Variants in SGK3 observed in about 807,000 individuals in gnomAD.
SGK3 encodes serum/glucocorticoid regulated kinase family member 3.
Under a neutral mutation model 68.5 loss-of-function variants are expected in SGK3, and 47 were observed. The ratio of observed to expected loss-of-function variants is 0.69; its 90% CI spans 0.54 to 0.87. The LOEUF (loss-of-function observed/expected upper bound fraction) is 0.87, where lower values mean the gene tolerates loss of function less well. SGK3 is among the 40% of genes least tolerant of loss of function. The pLI, the probability that SGK3 is intolerant of heterozygous loss-of-function variation, is 0.00. For synonymous variants in SGK3, 181 were observed against 189.1 expected (o/e 0.96, Z 0.35); for missense variants, 479 against 575.5 (o/e 0.83, Z 1.72).
chr8:66,784,816 T>C (rs1297839485), intron 1 of SGK3, among the ~76,000 whole-genome samples: 2 of 152,186 alleles, frequency 1.3e-5, no homozygotes, highest in African/African-American at 4.8e-5. Flanking sequence ...TATTGCTATT[T>C]TTTTACAGAC....
chr8:66,858,554 T>C (rs906906604), intron 16 of SGK3, among the ~76,000 whole-genome samples: 1 of 151,598 alleles, frequency 6.6e-6, no homozygotes, highest in African/African-American at 2.4e-5. Context: ...CAGTGATGGG[T>C]AGAGAGAAAG....
intron 10 of SGK3, among the ~76,000 whole-genome samples, chr8:66,837,283 A>G (rs1325622046): frequency 1.3e-5 from 2 of 152,174 alleles, no homozygotes; most frequent in African/African-American, 4.8e-5. Context: ...ACTAATAGGT[A>G]TTGTCATATC....
At chr8:66,847,463 C>T (rs1321510196) in intron 15 of SGK3, 115 bp downstream of exon 15, 40 of 1,441,846 alleles carry the variant, frequency 2.8e-5, no homozygotes, top group Non-Finnish European at 3.5e-5. Flanking sequence ...AGAATAGCAA[C>T]ATGGAAAAAA....
intron 1 of SGK3, among the ~76,000 whole-genome samples, chr8:66,761,869 T>C (rs1357373023): frequency 1.3e-5 from 2 of 152,212 alleles, no homozygotes; most frequent in Admixed American, 1.3e-4. Flanking sequence ...ATAATTAGCC[T>C]TCATAAGCCT....
chr8:66,850,702 A>G (rs1810246124), intron 15 of SGK3, 129 bp from the exon 16 acceptor site: 2 of 811,526 alleles, frequency 2.5e-6, no homozygotes, highest in Non-Finnish European at 1.9e-6. Context: ...CCACACAAAT[A>G]ACATACACAT....
intron 10 of SGK3, among the ~76,000 whole-genome samples, chr8:66,839,531 A>ATG (rs1563654560): frequency 1.4e-5 from 1 of 69,208 alleles, no homozygotes; most frequent in African/African-American, 5.6e-5. Context: ...ATATATATAT[A>ATG]TATATATATA....
chr8:66,827,441 C>T lies in SGK3; in HGVS notation c.418-1213C>T, dbSNP rs1475304681. ...TTCTGATTAGAGAAGTTTTTAAAAG[C>T]TTTTTTATATTTATAGCTTATATGA... On this transcript the variant is annotated intron_variant, in intron 6 of 16. Coordinates refer to ENST00000521198, the MANE Select transcript of SGK3 (RefSeq NM_001033578.3). Among the ~76,000 whole-genome samples, 5 of 143,274 alleles carry T rather than the reference C, an allele frequency of 3.5e-5. No homozygotes were observed. In the East Asian group the frequency reaches 1.0e-3, roughly 29 times the overall value. 94.0% of individuals were successfully genotyped at this position (143,274 alleles called of 152,430 possible). A position where few individuals can be genotyped will look rare whatever the true frequency, so the allele number is the denominator to read the frequency against.
At chr8:66,817,444 A>C (rs969775188) in intron 5 of SGK3, among the ~76,000 whole-genome samples, 2 of 151,548 alleles carry the variant, frequency 1.3e-5, no homozygotes, top group Non-Finnish European at 2.9e-5. Context: ...AAAAAACAAA[A>C]AAACAAACGG....
chr8:66,824,853 GAT>G (rs1808988178), intron 6 of SGK3, among the ~76,000 whole-genome samples: 1 of 152,100 alleles, frequency 6.6e-6, no homozygotes, highest in African/African-American at 2.4e-5. Context: ...TTTTTAAAAA[GAT>G]ATGCAAATAC....
At chr8:66,727,976 C>T (rs936737507) in intron 1 of SGK3, among the ~76,000 whole-genome samples, 6 of 152,212 alleles carry the variant, frequency 3.9e-5, no homozygotes, top group Non-Finnish European at 7.3e-5. Flanking sequence ...ACACTTAACA[C>T]TTAAAAATAA....
chr8:66,797,982 C>T lies in SGK3; in HGVS notation c.97-560C>T, dbSNP rs566873057. On this transcript the variant is annotated intron_variant, in intron 2 of 16. Coordinates refer to ENST00000521198, the MANE Select transcript of SGK3 (RefSeq NM_001033578.3). ...AAAATATCACCTATTTTTTTCTGAC[C>T]TCATTTTCTTCCCATCACAAGAAAC... is the stretch of plus-strand genomic sequence containing the variant. 2.0e-5 allele frequency among the ~76,000 whole-genome samples: 3 copies of T among 151,578 alleles called. No homozygotes were observed. The East Asian group carries it at 5.8e-4, about 29-fold the overall frequency.
At chr8:66,796,848 A>G (rs1377333404) in intron 2 of SGK3, among the ~76,000 whole-genome samples, 3 of 152,124 alleles carry the variant, frequency 2.0e-5, no homozygotes, top group Non-Finnish European at 2.9e-5. Context: ...AAGACAGACA[A>G]TAAGGAAATA....
chr8:66,833,088 C>T (rs1357105230), intron 8 of SGK3, among the ~76,000 whole-genome samples: 1 of 152,044 alleles, frequency 6.6e-6, no homozygotes, highest in African/African-American at 2.4e-5. Flanking sequence ...TCACTGCAAC[C>T]TCTGCATCCC....
chr8:66,725,174 A>C (rs1440877746), intron 1 of SGK3, among the ~76,000 whole-genome samples: 1 of 152,188 alleles, frequency 6.6e-6, no homozygotes, highest in East Asian at 1.9e-4. Context: ...GCTTGCAGTG[A>C]GCCGAGATCG....
intron 1 of SGK3, among the ~76,000 whole-genome samples, chr8:66,726,964 A>G (rs558138893): frequency 1.6e-4 from 24 of 152,184 alleles, no homozygotes; most frequent in Admixed American, 3.9e-4. Context: ...CTGTTGTCAT[A>G]TTCTAAAACC....
chr8:66,838,491 T>C (rs1223148155), intron 10 of SGK3, among the ~76,000 whole-genome samples: 1 of 152,158 alleles, frequency 6.6e-6, no homozygotes, highest in Non-Finnish European at 1.5e-5. Flanking sequence ...CAGAGCCCAT[T>C]CTTAAGTGCC....
At chr8:66,738,103 C>T (rs1331467919) in intron 1 of SGK3, among the ~76,000 whole-genome samples, 1 of 151,972 alleles carries the variant, frequency 6.6e-6, no homozygotes, top group Non-Finnish European at 1.5e-5. Flanking sequence ...TTTTACTGTC[C>T]CTCTTCAATT....
At chr8:66,824,372 C>T (rs963332218) in intron 6 of SGK3, among the ~76,000 whole-genome samples, 1 of 152,004 alleles carries the variant, frequency 6.6e-6, no homozygotes, top group Non-Finnish European at 1.5e-5. Flanking sequence ...TGAAGGAATA[C>T]TCTTAGTAAA....
At chr8:66,801,313 G>A (rs1193536784) in intron 3 of SGK3, among the ~76,000 whole-genome samples, 1 of 152,108 alleles carries the variant, frequency 6.6e-6, no homozygotes, top group Non-Finnish European at 1.5e-5. Context: ...AACCTGTATA[G>A]TTTTAGATAT....
Sources: gnomAD v4.1 joint callset for allele counts (sites outside exome capture counted in the v4.1 genomes callset) on GRCh38, gnomAD v4.1.1 for gene constraint, MANE v1.5 for transcripts, NCBI Gene and HGNC (gene_info 2026-07-23, HGNC 2026-07-21) for gene names.